SPATA17: variants seen among roughly 807,000 people sequenced by gnomAD.
SPATA17 encodes spermatogenesis associated 17.
Under a neutral mutation model 62.2 loss-of-function variants are expected in SPATA17, and 53 were observed. The ratio of observed to expected loss-of-function variants is 0.85; its 90% CI spans 0.68 to 1.07. SPATA17 has a LOEUF of 1.07. Among genes scored for constraint, SPATA17 ranks in the 50% least tolerant of loss-of-function variants. The pLI is 0.00. For missense variants in SPATA17, 466 were observed against 425.5 expected (o/e 1.10, Z -0.84); for synonymous variants, 146 against 146.8 (o/e 0.99, Z 0.04).
intron 4 of SPATA17, among the ~76,000 whole-genome samples, chr1:217,682,982 T>C (rs1234222713): frequency 1.3e-5 from 2 of 152,026 alleles, no homozygotes; most frequent in African/African-American, 4.8e-5. Context: ...AGCAAATTTT[T>C]ATAAATCTTT....
At chr1:217,856,447 A>T (rs1675786888) in intron 9 of SPATA17, among the ~76,000 whole-genome samples, 2 of 152,228 alleles carry the variant, frequency 1.3e-5, no homozygotes, top group Admixed American at 6.5e-5. Flanking sequence ...CTTGACTCCA[A>T]AGCAGTATTG....
At chr1:217,814,675 C>G (rs892870479) in intron 9 of SPATA17, among the ~76,000 whole-genome samples, 6 of 151,858 alleles carry the variant, frequency 4.0e-5, no homozygotes, top group Non-Finnish European at 7.4e-5. Flanking sequence ...TAGAGAGACC[C>G]TGTCTCCGCA....
At chr1:217,794,485 A>G (rs1347617630) in intron 8 of SPATA17, among the ~76,000 whole-genome samples, 1 of 152,188 alleles carries the variant, frequency 6.6e-6, no homozygotes, top group African/African-American at 2.4e-5. Flanking sequence ...TAAACCAGAG[A>G]TTGCAAACTA....
rs1200330640 is a variant in SPATA17 at position 217,648,907 on chromosome 1, G to T, written c.94G>T (p.Glu32Ter). 2 of 1,608,640 alleles carry T rather than the reference G, an allele frequency of 1.2e-6. No homozygotes were observed. The highest frequency in any genetic ancestry group is 1.3e-5 in the African/African-American group (1 of 74,768). Residue 32 changes from glutamate to a stop codon, truncating the protein, a stop_gained, in exon 2 of 11, where the codon GAG becomes TAG. Transcript: ENST00000366933. LOFTEE classifies it high-confidence loss of function. ...NSVVDPFRKK[E>*]NDAAVKIQSW... Reference sequence around the variant, plus strand: ...TGTTGTAGATCCATTTAGAAAAAAGGAGAATGATGCAGCAGTTAAAATCCA... The same window carrying T: ...TGTTGTAGATCCATTTAGAAAAAAGTAGAATGATGCAGCAGTTAAAATCCA...
chr1:217,786,287 T>A (rs1173596177), intron 8 of SPATA17, among the ~76,000 whole-genome samples: 4 of 152,170 alleles, frequency 2.6e-5, no homozygotes, highest in Non-Finnish European at 5.9e-5. Flanking sequence ...GTATATATTT[T>A]TAAATGTCGA....
intron 9 of SPATA17, among the ~76,000 whole-genome samples, chr1:217,809,709 C>A (rs976982419): frequency 6.6e-6 from 1 of 152,142 alleles, no homozygotes; most frequent in Non-Finnish European, 1.5e-5. Context: ...CCAAACACCT[C>A]CCACTAGGTC....
chr1:217,651,320 A>T (rs1041633327), intron 3 of SPATA17, 142 bp downstream of exon 3: 1 of 598,866 alleles, frequency 1.7e-6, no homozygotes, highest in Non-Finnish European at 2.8e-6. Flanking sequence ...AATTTTTAGT[A>T]TGAGACCTAT....
At chr1:217,835,036 T>G (rs1169784255) in intron 9 of SPATA17, among the ~76,000 whole-genome samples, 1 of 152,134 alleles carries the variant, frequency 6.6e-6, no homozygotes, top group Non-Finnish European at 1.5e-5. Flanking sequence ...TTAGGAGAAA[T>G]AGGCTATACC....
chr1:217,756,672 T>C (rs991931328), intron 6 of SPATA17, among the ~76,000 whole-genome samples: 6 of 152,132 alleles, frequency 3.9e-5, no homozygotes, highest in Non-Finnish European at 7.4e-5. Flanking sequence ...GATCAGGAGG[T>C]GGAAGAGACA....
At position 217,871,046 on chromosome 1, in the gene SPATA17, A is replaced by G. The variant is rs1676119220; in HGVS notation, c.*4027A>G. On this transcript the variant is annotated 3_prime_UTR_variant, in exon 11 of 11. Transcript: ENST00000366933. Reference sequence around the variant, plus strand: ...GCATTGTGGCCTGTTACTTTTAACTAGTCTCACTAATTTATAGTTATATAT... The same window carrying G: ...GCATTGTGGCCTGTTACTTTTAACTGGTCTCACTAATTTATAGTTATATAT... 6.6e-6 allele frequency: 1 copy of G among 152,208 alleles called. No homozygotes were observed. The highest frequency in any genetic ancestry group is 6.5e-5 in the Admixed American group (1 of 15,270). 9.4% of individuals were successfully genotyped at this position (152,208 alleles called of 1,614,324 possible). A position where few individuals can be genotyped will look rare whatever the true frequency, so the allele number is the denominator to read the frequency against.
intron 6 of SPATA17, among the ~76,000 whole-genome samples, chr1:217,756,936 A>G (rs1260174533): frequency 6.6e-6 from 1 of 152,250 alleles, no homozygotes; most frequent in Non-Finnish European, 1.5e-5. Flanking sequence ...TTATAAAAAT[A>G]CAAATGCCTT....
intron 5 of SPATA17, among the ~76,000 whole-genome samples, chr1:217,702,177 T>C (rs1474421344): frequency 4.6e-5 from 7 of 152,124 alleles, no homozygotes; most frequent in Non-Finnish European, 8.8e-5. Context: ...TAAACCTTTT[T>C]TAACTAACTT....
chr1:217,688,311 AT>A (rs1417957271), intron 5 of SPATA17, among the ~76,000 whole-genome samples: 1 of 152,194 alleles, frequency 6.6e-6, no homozygotes, highest in Non-Finnish European at 1.5e-5. Context: ...TAACACAGAA[AT>A]TTCTGGAGGC....
chr1:217,662,968 A>T (rs1571714512), intron 3 of SPATA17, among the ~76,000 whole-genome samples: 1 of 152,310 alleles, frequency 6.6e-6, no homozygotes, highest in African/African-American at 2.4e-5. Context: ...CTTCAAAGAC[A>T]GGACAGCTTA....
At chr1:217,781,881 A>T (rs1673734882) in intron 7 of SPATA17, among the ~76,000 whole-genome samples, 1 of 152,184 alleles carries the variant, frequency 6.6e-6, no homozygotes, top group South Asian at 2.1e-4. Flanking sequence ...ATTAGAAAAC[A>T]AAGCAACCTA....
At chr1:217,858,937 A>G (rs1367770134) in intron 9 of SPATA17, among the ~76,000 whole-genome samples, 5 of 152,086 alleles carry the variant, frequency 3.3e-5, no homozygotes, top group Non-Finnish European at 7.4e-5. Flanking sequence ...CTGAGGCAAG[A>G]GAATCACTGA....
In SPATA17 at chr1:217,644,554, C is replaced by G. The variant is rs138686936; in HGVS notation, c.69-4328C>G. Among the ~76,000 whole-genome samples, 3 of 152,008 alleles carry G rather than the reference C, an allele frequency of 2.0e-5. No homozygotes were observed. The South Asian group carries it at 6.2e-4, about 32-fold the overall frequency. On this transcript the variant is annotated intron_variant, in intron 1 of 10. Coordinates refer to ENST00000366933, the MANE Select transcript of SPATA17 (RefSeq NM_138796.4). ...CTAGTATTTATTCATAGGTAATATACATGGGTCAGACTAAGCACAGTCTGT... is the reference window on the plus strand; with the variant it reads ...CTAGTATTTATTCATAGGTAATATAGATGGGTCAGACTAAGCACAGTCTGT...
At chr1:217,759,007 G>C (rs1482270033) in intron 6 of SPATA17, among the ~76,000 whole-genome samples, 2 of 152,174 alleles carry the variant, frequency 1.3e-5, no homozygotes, top group African/African-American at 4.8e-5. Flanking sequence ...GGGATGGGTT[G>C]CCATCTGTAT....
At chr1:217,697,798 C>T (rs990925342) in intron 5 of SPATA17, among the ~76,000 whole-genome samples, 1 of 151,968 alleles carries the variant, frequency 6.6e-6, no homozygotes, top group African/African-American at 2.4e-5. Flanking sequence ...TGGAAGATTG[C>T]TTTATGAAGT....
Sources: allele counts gnomAD v4.1 joint callset (sites outside exome capture counted in the v4.1 genomes callset), GRCh38; gene constraint gnomAD v4.1.1; transcripts MANE v1.5; gene names NCBI Gene and HGNC (gene_info 2026-07-23, HGNC 2026-07-21).